Variants in CELSR1 observed in about 807,000 individuals in gnomAD.
CELSR1 encodes the protein adhesion G protein-coupled receptor C1.
A neutral mutation model predicts 249.1 loss-of-function variants in CELSR1; 110 were observed. The ratio of observed to expected loss-of-function variants is 0.44; its 90% confidence interval spans 0.38 to 0.52. The LOEUF is 0.52. Among genes scored for constraint, CELSR1 ranks in the 20% least tolerant of loss-of-function variants. The pLI is 0.00. For missense variants in CELSR1, 4,109 were observed against 4,296.4 expected, an observed-to-expected ratio of 0.96 and a Z score of 1.22; for synonymous variants, 2,113 against 1,900.0, an observed-to-expected ratio of 1.11 and a Z score of -2.92.
At chr22:46,513,609 C>T (rs939150326) in intron 1 of CELSR1, among the ~76,000 whole-genome samples, 3 of 152,090 alleles carry the variant, frequency 2.0e-5, no homozygotes, top group East Asian at 1.9e-4. Flanking sequence ...GCCCTTATCT[C>T]GTGCACCAGG....
At chr22:46,378,904 C>T (rs1370352889) in intron 22 of CELSR1, among the ~76,000 whole-genome samples, 187 bp from the exon 23 acceptor site, 1 of 152,194 alleles carries the variant, frequency 6.6e-6, no homozygotes, top group Non-Finnish European at 1.5e-5. Flanking sequence ...TCACCAGCCC[C>T]CTACACCGAA....
rs1021105254 is a variant in CELSR1, at chr22:46,524,560, GTGTGTGTGTGTCTGTC to G, written c.3544+9051_3544+9066del. ...TGTGTGCGTGTGTGTGTGTGTGTGT[GTGTGTGTGTGTCTGTC>G]TGTCTGTGTGTTTTGTTTGCTTTTT... On this transcript the variant is annotated intron_variant, in intron 1 of 34. Transcript: ENST00000674500. 2.4e-4 allele frequency among the ~76,000 whole-genome samples: 30 copies of G among 123,786 alleles called. No homozygotes were observed. The South Asian group carries it at 4.2e-3, about 17-fold the overall frequency. The allele number at this position is 123,786 out of a possible 152,430, so 81.2% of individuals were successfully genotyped here. A position where few individuals can be genotyped will look rare whatever the true frequency, so the allele number is the denominator to read the frequency against.
intron 27 of CELSR1, among the ~76,000 whole-genome samples, chr22:46,368,788 TG>T (rs139808859): frequency 3.3e-5 from 5 of 151,728 alleles, no homozygotes; most frequent in Non-Finnish European, 5.9e-5. Context: ...GACAGTGGGG[TG>T]GGGGGGTCTC....
At chr22:46,377,898 C>T (rs2078936154) in intron 23 of CELSR1, among the ~76,000 whole-genome samples, 1 of 152,232 alleles carries the variant, frequency 6.6e-6, no homozygotes, top group African/African-American at 2.4e-5. Context: ...GGCCTGGGCC[C>T]TTGAGCCACA....
intron 2 of CELSR1, among the ~76,000 whole-genome samples, chr22:46,452,755 G>A (rs1007901801): frequency 3.3e-5 from 5 of 152,228 alleles, no homozygotes; most frequent in Admixed American, 6.5e-5. Flanking sequence ...CCTACCTAGA[G>A]GGGACAGGGC....
At chr22:46,511,415 C>T (rs553787223) in intron 1 of CELSR1, among the ~76,000 whole-genome samples, 11 of 152,354 alleles carry the variant, frequency 7.2e-5, no homozygotes, top group African/African-American at 2.6e-4. Flanking sequence ...CCGGGACCAA[C>T]ACGTGTGTCA....
chr22:46,432,079 C>T (rs879102010), intron 5 of CELSR1, among the ~76,000 whole-genome samples: 6 of 152,244 alleles, frequency 3.9e-5, no homozygotes, highest in Non-Finnish European at 7.3e-5. Context: ...GCTCCACCTG[C>T]CCTGGGTTGG....
chr22:46,532,278 A>C (rs1221728475), intron 1 of CELSR1, among the ~76,000 whole-genome samples: 1 of 152,246 alleles, frequency 6.6e-6, no homozygotes, highest in Non-Finnish European at 1.5e-5. Flanking sequence ...AAAACTTCCT[A>C]AGAATATCCA....
At chr22:46,481,257 C>A (rs2080263345) in intron 1 of CELSR1, 9 of 360,904 alleles carry the variant, frequency 2.5e-5, no homozygotes, top group Non-Finnish European at 3.6e-5. Flanking sequence ...AAAAAAAAGA[C>A]TAAAATTCCC....
rs1471903094 is a variant in CELSR1 at position 46,395,835 on chromosome 22, A to G, written c.5843+770T>C. On this transcript the variant is annotated intron_variant, in intron 13 of 34. Transcript: ENST00000674500. This position sits in a 1 kb window ranked among gnomAD's most constrained non-coding sequence, Gnocchi z 5.5. The stretch of plus-strand genomic sequence containing the variant: ...GGACAAAGTGACGCTTGTGATGACT[A>G]CGCACCTGTACCCAGCGATCCCCGT... Among the ~76,000 whole-genome samples, 1 of 152,176 alleles carries G rather than the reference A, an allele frequency of 6.6e-6. No individual in the cohort carries two copies. Among genetic ancestry groups the G allele is most frequent in the African/African-American group, 2.4e-5 (1 of 41,448 alleles).
chr22:46,363,084 A>ACTTCACTC lies in CELSR1; in HGVS notation c.*138_*139insGAGTGAAG, dbSNP rs1194088544. 1.4e-5 allele frequency: 22 copies of ACTTCACTC among 1,578,342 alleles called. No homozygotes were observed. Among genetic ancestry groups the ACTTCACTC allele is most frequent in the Non-Finnish European group, 1.7e-5 (20 of 1,150,590 alleles). Reference sequence around the variant, plus strand: ...GGGGGCTGCCACCATGGGGACCGCCACACTCTGGGCCCACTCCACTTCAAG... The same window carrying ACTTCACTC: ...GGGGGCTGCCACCATGGGGACCGCCACTTCACTCCACTCTGGGCCCACTCCACTTCAAG... On this transcript the variant is annotated 3_prime_UTR_variant, in exon 35 of 35. Transcript: ENST00000674500. The surrounding 1 kb of genome is among the most constrained non-coding windows in gnomAD (Gnocchi z 4.3).
At position 46,536,040 on chromosome 22, in the gene CELSR1, G is replaced by T. The variant is rs543209122; in HGVS notation, c.1131C>A (p.Ala377=). 2 of 1,610,466 alleles carry T rather than the reference G, an allele frequency of 1.2e-6. No individual in the cohort carries two copies. Among genetic ancestry groups the T allele is most frequent in the East Asian group, 2.2e-5 (1 of 44,880 alleles). Residue 377 remains alanine (A), a synonymous_variant, in exon 1 of 35, where the codon GCC becomes GCA. Coordinates refer to ENST00000674500, the MANE Select transcript of CELSR1 (RefSeq NM_001378328.1). ...CGTTGATGGGCGAGTCGCGGTCGCT[G>T]GCGCGGATGGTCAGCACCTCGTAGC... ...EVGYEVLTIR[A]SDRDSPINAN... is the part of the protein sequence containing the mutation.
At chr22:46,452,223 C>A (rs2079893923) in intron 2 of CELSR1, among the ~76,000 whole-genome samples, 1 of 152,164 alleles carries the variant, frequency 6.6e-6, no homozygotes, top group South Asian at 2.1e-4. Flanking sequence ...CTTCCAGGGT[C>A]AATCTCCTGA....
Position 46,437,170 on chromosome 22 carries a change from C to T in CELSR1, c.4407-881G>A, listed in dbSNP as rs573783069. Among the ~76,000 whole-genome samples the T allele has an allele frequency of 3.3e-5, 5 of 152,298 alleles. No homozygotes were observed. The highest frequency in any genetic ancestry group is 9.6e-5 in the African/African-American group (4 of 41,578). The stretch of plus-strand genomic sequence containing the variant: ...GCACGCTGAGCAAAAACCACCTGCT[C>T]GGGCAGGAGATCATCAAATTCTCAG... On this transcript the variant is annotated intron_variant, in intron 3 of 34. Coordinates refer to ENST00000674500, the MANE Select transcript of CELSR1 (RefSeq NM_001378328.1). The surrounding 1 kb of genome is among the most constrained non-coding windows in gnomAD (Gnocchi z 4.9).
intron 9 of CELSR1, among the ~76,000 whole-genome samples, chr22:46,403,128 C>G (rs972660326): frequency 6.6e-6 from 1 of 152,112 alleles, no homozygotes; most frequent in African/African-American, 2.4e-5. Context: ...CACCTAATAA[C>G]CTGGCCTCAA....
intron 29 of CELSR1, 118 bp from the exon 30 acceptor site, chr22:46,366,598 C>G: frequency 1.2e-6 from 1 of 824,570 alleles, no homozygotes; most frequent in South Asian, 1.6e-5. Flanking sequence ...GGGCCCCTGC[C>G]TGGCACACAG....
rs2080845506 is a variant in CELSR1, at chr22:46,535,692, G to C, written c.1479C>G (p.Ala493=). The change falls in exon 1 of 35, where the codon GCC becomes GCG. Residue 493 remains alanine (A), a synonymous_variant. Transcript: ENST00000674500. ...ATDRDQGQNA[A]IHYSILSGNV... Reference sequence around the variant, plus strand: ...TCCCGCTGAGGATGCTGTAGTGAATGGCCGCGTTCTGGCCCTGGTCCCGGT... The same window carrying C: ...TCCCGCTGAGGATGCTGTAGTGAATCGCCGCGTTCTGGCCCTGGTCCCGGT... 1 of 1,613,032 alleles carries C rather than the reference G, an allele frequency of 6.2e-7. No homozygotes were observed. Among genetic ancestry groups the C allele is most frequent in the Non-Finnish European group, 8.5e-7 (1 of 1,180,032 alleles).
At chr22:46,523,411 C>T (rs369565001) in intron 1 of CELSR1, among the ~76,000 whole-genome samples, 1 of 151,944 alleles carries the variant, frequency 6.6e-6, no homozygotes, top group Non-Finnish European at 1.5e-5. Context: ...CACCTGTAGT[C>T]CAGATACCCA....
intron 28 of CELSR1, among the ~76,000 whole-genome samples, 198 bp downstream of exon 28, chr22:46,367,531 C>G (rs2078799248): frequency 6.6e-6 from 1 of 152,200 alleles, no homozygotes; most frequent in South Asian, 2.1e-4. Flanking sequence ...GGTCATCGTC[C>G]CCAGACACAG....
Sources: gnomAD v4.1 joint callset for allele counts (sites outside exome capture counted in the v4.1 genomes callset) on GRCh38, gnomAD v4.1.1 for gene constraint, Gnocchi (gnomAD v3.1) non-coding constraint, MANE v1.5 for transcripts, NCBI Gene and HGNC (gene_info 2026-07-23, HGNC 2026-07-21) for gene names.